Variants in KRR1 observed in about 807,000 individuals in gnomAD.
KRR1 encodes KRR1 small subunit processome component homolog.
A neutral mutation model predicts 50.0 loss-of-function variants in KRR1; 23 were observed. The observed-to-expected ratio is 0.46, with a 90% CI of 0.33 to 0.65. KRR1 has a LOEUF of 0.65. Ranked by LOEUF, KRR1 falls within the 30% of genes least tolerant of loss-of-function variation. The pLI is 0.02. For synonymous variants in KRR1, 133 were observed against 146.3 expected (o/e 0.91, Z 0.66); for missense variants, 419 against 442.4 (o/e 0.95, Z 0.47).
At chr12:75,508,135 T>C (rs1594070326) in intron 2 of KRR1, 139 bp downstream of exon 2, 1 of 474,988 alleles carries the variant, frequency 2.1e-6, no homozygotes, top group Non-Finnish European at 3.6e-6. Context: ...ACTTAAATAG[T>C]TTAGAATACC....
In KRR1 at chr12:75,499,395, CAG is replaced by C. The variant is rs1385322499; in HGVS notation, c.*412_*413del. On this transcript the variant is annotated 3_prime_UTR_variant, in exon 10 of 10. Transcript: ENST00000229214. The stretch of plus-strand genomic sequence containing the variant: ...GTTTACTACTTCCCCAGATTCAGAA[CAG>C]AGGAGTAACTAGGGGATCTGATTTT... The C allele has an allele frequency of 1.2e-5, 2 of 160,742 alleles. No individual in the cohort carries two copies. The highest frequency in any genetic ancestry group is 2.7e-5 in the Non-Finnish European group (2 of 74,538). 10.0% of individuals were successfully genotyped at this position (160,742 alleles called of 1,614,324 possible).
chr12:75,499,177 C>A lies in KRR1; in HGVS notation c.*632G>T. On this transcript the variant is annotated 3_prime_UTR_variant, in exon 10 of 10. Coordinates refer to ENST00000229214, the MANE Select transcript of KRR1 (RefSeq NM_007043.7). ...CTTTAGTATAAATAAGCATTATTTG[C>A]AGGTTGCCACAGGTGGACTTTTAGT... 2.5e-6 allele frequency: 1 copy of A among 399,604 alleles called. No individual in the cohort carries two copies. The highest frequency in any genetic ancestry group is 4.4e-6 in the Non-Finnish European group (1 of 226,340). 24.8% of individuals were successfully genotyped at this position (399,604 alleles called of 1,614,324 possible).
intron 6 of KRR1, among the ~76,000 whole-genome samples, chr12:75,504,854 A>C (rs545202936): frequency 1.3e-5 from 2 of 152,172 alleles, no homozygotes; most frequent in African/African-American, 4.8e-5. Flanking sequence ...GATTTCCGAA[A>C]GATCATATCC....
At chr12:75,500,694 T>C (rs954846455) in intron 9 of KRR1, 1 of 151,970 alleles carries the variant, frequency 6.6e-6, no homozygotes, top group Non-Finnish European at 1.5e-5. Context: ...AAGGAAGCAG[T>C]GAAAAAGAAT....
At position 75,501,786 on chromosome 12, in the gene KRR1, G is replaced by GTCTC. The variant is rs2046395840; in HGVS notation, c.936_939dup (p.Gln314GlufsTer13). On this transcript the variant is annotated frameshift_variant, in exon 9 of 10. Transcript: ENST00000229214. LOFTEE classifies it high-confidence loss of function. ...ATAAATGCTTTGTTTCTTTCCTCTTGTCTCTTACTGATGGCTTCTGCTTGT... is the reference window on the plus strand; with the variant it reads ...ATAAATGCTTTGTTTCTTTCCTCTTGTCTCTCTCTTACTGATGGCTTCTGCTTGT... 2 of 1,610,030 alleles carry GTCTC rather than the reference G, an allele frequency of 1.2e-6. No individual in the cohort carries two copies. The highest frequency in any genetic ancestry group is 1.7e-6 in the Non-Finnish European group (2 of 1,177,954).
Position 75,499,568 on chromosome 12 carries a change from T to C in KRR1, c.*241A>G. On this transcript the variant is annotated 3_prime_UTR_variant, in exon 10 of 10. Transcript: ENST00000229214. ...CTAACCAATAGCATCAGACACTGGA[T>C]TTAATGGATAATCACAATGGTCGTA... is the stretch of plus-strand genomic sequence containing the variant. 4.1e-6 allele frequency: 1 copy of C among 242,730 alleles called. No homozygotes were observed. The highest frequency in any genetic ancestry group is 8.6e-5 in the East Asian group (1 of 11,644). The allele number at this position is 242,730 out of a possible 1,614,324, so 15.0% of individuals were successfully genotyped here. A position where few individuals can be genotyped will look rare whatever the true frequency, so the allele number is the denominator to read the frequency against.
At position 75,497,180 on chromosome 12, in the gene KRR1, C is replaced by A. The variant is rs1437068033; in HGVS notation, c.*2629G>T. The A allele has an allele frequency of 1.3e-5, 2 of 151,996 alleles. No homozygotes were observed. 9.4% of individuals were successfully genotyped at this position (151,996 alleles called of 1,614,324 possible). On this transcript the variant is annotated 3_prime_UTR_variant, in exon 10 of 10. Coordinates refer to ENST00000229214, the MANE Select transcript of KRR1 (RefSeq NM_007043.7). ...AAGTTTCTGCTTCTATTTTTTTCAA[C>A]GAAACAACCCAGTGAAAAAAATGTT...
intron 6 of KRR1, among the ~76,000 whole-genome samples, chr12:75,504,696 T>C (rs1328286486): frequency 6.6e-6 from 1 of 152,094 alleles, no homozygotes; most frequent in East Asian, 1.9e-4. Flanking sequence ...TAGTTCTATA[T>C]ACCATGGTTA....
intron 3 of KRR1, 47 bp downstream of exon 3, chr12:75,506,735 T>C: frequency 2.5e-6 from 4 of 1,592,448 alleles, no homozygotes; most frequent in Non-Finnish European, 3.4e-6. Context: ...ATGTTATAGG[T>C]TAACACTGAT....
intron 7 of KRR1, chr12:75,503,630 C>T (rs1036224349): frequency 1.2e-5 from 3 of 256,482 alleles, no homozygotes; most frequent in Non-Finnish European, 2.2e-5. Context: ...GCAGACTAAA[C>T]GAACTTTTAT....
In KRR1 at chr12:75,506,913, C is replaced by A; in HGVS notation, c.262G>T (p.Val88Phe). Residue 88 changes from valine to phenylalanine, a missense_variant, in exon 3 of 10, where the codon GTT becomes TTT. Transcript: ENST00000229214. ...TCGATCAGGTCCAGGGTTGCATTAA[C>A]ATGCTACAGAAGGAAAGAGCAAACA... is the stretch of plus-strand genomic sequence containing the variant. ...LVQKALNEHH[V>F]NATLDLIEGS... The A allele has an allele frequency of 6.3e-7, 1 of 1,591,720 alleles. No homozygotes were observed. Among genetic ancestry groups the A allele is most frequent in the Admixed American group, 1.8e-5 (1 of 54,274 alleles).
Position 75,495,807 on chromosome 12 carries a change from G to A in KRR1, c.*4002C>T, listed in dbSNP as rs2046347086. 2 of 507,932 alleles carry A rather than the reference G, an allele frequency of 3.9e-6. No individual in the cohort carries two copies. The highest frequency in any genetic ancestry group is 7.2e-6 in the Non-Finnish European group (2 of 276,278). 31.5% of individuals were successfully genotyped at this position (507,932 alleles called of 1,614,324 possible). A position where few individuals can be genotyped will look rare whatever the true frequency, so the allele number is the denominator to read the frequency against. On this transcript the variant is annotated 3_prime_UTR_variant, in exon 10 of 10. Coordinates refer to ENST00000229214, the MANE Select transcript of KRR1 (RefSeq NM_007043.7). The stretch of plus-strand genomic sequence containing the variant: ...GTAGCAATTAAACCAATGGCTTACT[G>A]TTCTAGGAATACATTTAAGAGAAAT...
At position 75,506,601 on chromosome 12, in the gene KRR1, T is replaced by C; in HGVS notation, c.402A>G (p.Arg134=). 1 of 1,401,758 alleles carries C rather than the reference T, an allele frequency of 7.1e-7. No homozygotes were observed. The highest frequency in any genetic ancestry group is 1.3e-5 in the South Asian group (1 of 76,594). 86.8% of individuals were successfully genotyped at this position (1,401,758 alleles called of 1,614,324 possible). A position where few individuals can be genotyped will look rare whatever the true frequency, so the allele number is the denominator to read the frequency against. Residue 134 remains arginine, a synonymous_variant, in exon 4 of 10, where the codon CGA becomes CGG. Transcript: ENST00000229214. ...CACATGCAACATCATCCTGAAGAAT[T>C]CGTACTGCCTTTTGCAAAAAAAAAA... ...ARSVSFEQAV[R]ILQDDVACDI...
rs1374062751 is a variant in KRR1 at position 75,511,581 on chromosome 12, A to T, written c.17T>A (p.Leu6Gln). 2.5e-6 allele frequency: 4 copies of T among 1,613,952 alleles called. No individual in the cohort carries two copies. In the African/African-American group the frequency reaches 4.0e-5, roughly 16 times the overall value. Reference sequence around the variant, plus strand: ...TCCAGCGCCTTTTTCTGGCCGCTCCAGCGAGGGAGACGCCATTTGCAAGCT... The same window carrying T: ...TCCAGCGCCTTTTTCTGGCCGCTCCTGCGAGGGAGACGCCATTTGCAAGCT... Reference protein sequence around the residue: MASPSLERPEKGAGKS... With the variant: MASPSQERPEKGAGKS... The change falls in exon 1 of 10, where the codon CTG becomes CAG. Residue 6 changes from leucine to glutamine, a missense_variant. Physicochemically the swap from Leu to Gln is moderately radical, Grantham distance 113. Transcript: ENST00000229214.
chr12:75,501,350 A>C (rs1269423608), intron 9 of KRR1: 1 of 177,360 alleles, frequency 5.6e-6, no homozygotes, highest in Non-Finnish European at 1.2e-5. Flanking sequence ...AGATCACATA[A>C]AGAGAAGAAA....
chr12:75,497,516 T>TGTAA lies in KRR1; in HGVS notation c.*2289_*2292dup, dbSNP rs757537415. 2 of 152,224 alleles carry TGTAA rather than the reference T, an allele frequency of 1.3e-5. No homozygotes were observed. Among genetic ancestry groups the TGTAA allele is most frequent in the African/African-American group, 4.8e-5 (2 of 41,474 alleles). The allele number at this position is 152,224 out of a possible 1,614,324, so 9.4% of individuals were successfully genotyped here. ...GCTAGATTTATGTAATTTGTTTTCA[T>TGTAA]GTAAGTTTAGGCTTACTTGAAAGTA... On this transcript the variant is annotated 3_prime_UTR_variant, in exon 10 of 10. Coordinates refer to ENST00000229214, the MANE Select transcript of KRR1 (RefSeq NM_007043.7).
rs140676009 is a variant in KRR1, at chr12:75,504,420, C to T, written c.661-346G>A. ...CCTGCAAGCAGGAAGTTTTCAGTAG[C>T]AACTGAAATATCACAGAAAAAGACA... On this transcript the variant is annotated intron_variant, in intron 6 of 9. Coordinates refer to ENST00000229214, the MANE Select transcript of KRR1 (RefSeq NM_007043.7). 473 of 168,278 alleles carry T rather than the reference C, an allele frequency of 2.8e-3. 2 individuals are homozygous for T. The highest frequency in any genetic ancestry group is 0.01 in the African/African-American group (425 of 42,018). The allele number at this position is 168,278 out of a possible 1,614,324, so 10.4% of individuals were successfully genotyped here. A position where few individuals can be genotyped will look rare whatever the true frequency, so the allele number is the denominator to read the frequency against.
intron 6 of KRR1, 68 bp downstream of exon 6, chr12:75,505,130 A>G: frequency 7.1e-7 from 1 of 1,411,318 alleles, no homozygotes; most frequent in Admixed American, 2.4e-5. Flanking sequence ...ATTTAATTTC[A>G]AGAAAGGTTT....
rs2046375604 is a variant in KRR1, at chr12:75,499,543, C to T, written c.*266G>A. The T allele has an allele frequency of 4.8e-6, 1 of 210,146 alleles. No individual in the cohort carries two copies. The highest frequency in any genetic ancestry group is 9.3e-6 in the Non-Finnish European group (1 of 107,966). The allele number at this position is 210,146 out of a possible 1,614,324, so 13.0% of individuals were successfully genotyped here. ...AACATCAAATGCTGGGACATCATTA[C>T]TAACCAATAGCATCAGACACTGGAT... On this transcript the variant is annotated 3_prime_UTR_variant, in exon 10 of 10. Transcript: ENST00000229214.
Sources: allele counts gnomAD v4.1 joint callset (sites outside exome capture counted in the v4.1 genomes callset), GRCh38; gene constraint gnomAD v4.1.1; transcripts MANE v1.5; gene names NCBI Gene and HGNC (gene_info 2026-07-23, HGNC 2026-07-21).